DNAH7: variants seen among roughly 807,000 people sequenced by gnomAD.
The protein encoded by DNAH7 is dynein axonemal heavy chain 7, also known as axonemal beta dynein heavy chain 7.
Under a neutral mutation model 444.6 loss-of-function variants are expected in DNAH7, and 397 were observed. The observed-to-expected ratio is 0.89, with a 90% CI of 0.82 to 0.97. DNAH7 has a LOEUF of 0.97. Ranked by LOEUF, DNAH7 falls within the 50% of genes least tolerant of loss-of-function variation. DNAH7 has a pLI of 0.00. For synonymous variants in DNAH7, 1,636 were observed against 1,624.4 expected (o/e 1.01, Z -0.17); for missense variants, 4,902 against 4,800.8 (o/e 1.02, Z -0.62).
chr2:195,859,325 T>C (rs1699891272), intron 42 of DNAH7, among the ~76,000 whole-genome samples: 1 of 152,134 alleles, frequency 6.6e-6, no homozygotes, highest in African/African-American at 2.4e-5. Flanking sequence ...ATAGAGCAGA[T>C]CATAAAGCTC....
At position 195,957,292 on chromosome 2, in the gene DNAH7, G is replaced by GTCTTA. The variant is rs1690736383; in HGVS notation, c.3042_3046dup (p.Thr1016IlefsTer7). 3.8e-6 allele frequency: 6 copies of GTCTTA among 1,594,904 alleles called. No individual in the cohort carries two copies. In the East Asian group the frequency reaches 1.4e-4, roughly 36 times the overall value. On this transcript the variant is annotated frameshift_variant, in exon 19 of 65. Transcript: ENST00000312428. LOFTEE classifies it high-confidence loss of function. ...GACACTTCTCATTATATCTCTCCAT[G>GTCTTA]TCTTATCCACAGCTGTAAATCGTCT... is the stretch of plus-strand genomic sequence containing the variant.
In DNAH7 at chr2:195,988,143, A is replaced by G. The variant is rs1433478635; in HGVS notation, c.1440T>C (p.Ile480=). ...CAGTAGGTGCCACACTCTCTTTCAT[A>G]ATAACTTCCTTGATCTTTTCTTTGT... The part of the protein sequence containing the change: ...DAHKEKIKEV[I]MKESVAPTEH... Residue 480 remains isoleucine, a synonymous_variant, in exon 13 of 65, where the codon ATT becomes ATC. Coordinates refer to ENST00000312428, the MANE Select transcript of DNAH7 (RefSeq NM_018897.3). 1.9e-6 allele frequency: 3 copies of G among 1,613,508 alleles called. No homozygotes were observed. The Admixed American group carries it at 5.0e-5, about 27-fold the overall frequency.
At position 195,794,427 on chromosome 2, in the gene DNAH7, C is replaced by G; in HGVS notation, c.10627G>C (p.Ala3543Pro). 2 of 1,614,130 alleles carry G rather than the reference C, an allele frequency of 1.2e-6. No individual in the cohort carries two copies. Among genetic ancestry groups the G allele is most frequent in the Non-Finnish European group, 1.7e-6 (2 of 1,180,006 alleles). The change falls in exon 57 of 65, where the codon GCA (alanine) becomes CCA (proline). Residue 3543 changes from alanine to proline, a missense_variant. Ala to Pro is a conservative substitution (Grantham distance 27, BLOSUM62 -1). Transcript: ENST00000312428. ...LQNGVKMTNEAPKGLRANIIR... is the reference protein window; with the variant it reads ...LQNGVKMTNEPPKGLRANIIR... ...ATATTAGCCCGTAAACCTTTTGGTG[C>G]TTCATTGGTCATTTTCACTCCATTC... is the stretch of plus-strand genomic sequence containing the variant.
At chr2:195,948,881 G>A (rs1194012635) in intron 19 of DNAH7, among the ~76,000 whole-genome samples, 2 of 152,058 alleles carry the variant, frequency 1.3e-5, no homozygotes, top group East Asian at 1.9e-4. Context: ...AATTACTTTG[G>A]GCAGTATGGC....
intron 20 of DNAH7, among the ~76,000 whole-genome samples, chr2:195,935,403 T>G (rs1409382319): frequency 1.3e-5 from 2 of 152,162 alleles, no homozygotes; most frequent in East Asian, 3.9e-4. Context: ...CAGATAGAAA[T>G]CTGAGCCTAA....
intron 16 of DNAH7, 99 bp downstream of exon 16, chr2:195,972,143 A>G: frequency 1.1e-6 from 1 of 947,626 alleles, no homozygotes; most frequent in Non-Finnish European, 1.6e-6. Context: ...GAGAAAGCTA[A>G]AAAAGTATGC....
At chr2:195,934,557 T>A (rs746659859) in intron 21 of DNAH7, 34 bp downstream of exon 21, 3 of 1,587,978 alleles carry the variant, frequency 1.9e-6, no homozygotes, top group African/African-American at 1.3e-5. Context: ...TATTCTAGCA[T>A]CCTTTTCTAA....
intron 1 of DNAH7, among the ~76,000 whole-genome samples, chr2:196,061,782 A>G (rs1345002345): frequency 1.3e-5 from 2 of 152,198 alleles, no homozygotes; most frequent in Non-Finnish European, 2.9e-5. Flanking sequence ...AATCCTTATT[A>G]TATCATGTGT....
chr2:195,778,677 C>CACACACATATATAT (rs1443387230), intron 58 of DNAH7, among the ~76,000 whole-genome samples: 2 of 76,958 alleles, frequency 2.6e-5, no homozygotes, highest in Non-Finnish European at 4.5e-5. Flanking sequence ...TATACACACA[C>CACACACATATATAT]ACACATATAT....
At chr2:195,963,389 A>G (rs943342514) in intron 17 of DNAH7, among the ~76,000 whole-genome samples, 1 of 152,120 alleles carries the variant, frequency 6.6e-6, no homozygotes, top group Non-Finnish European at 1.5e-5. Flanking sequence ...CCAAATGTCT[A>G]TTTGCCATTT....
chr2:195,940,030 T>A (rs1689316715), intron 19 of DNAH7, among the ~76,000 whole-genome samples: 1 of 152,144 alleles, frequency 6.6e-6, no homozygotes, highest in African/African-American at 2.4e-5. Flanking sequence ...TACTTTAAAT[T>A]TCACATGGAA....
intron 61 of DNAH7, among the ~76,000 whole-genome samples, chr2:195,765,939 G>A (rs546111036): frequency 1.2e-4 from 18 of 152,022 alleles, no homozygotes; most frequent in East Asian, 7.7e-4. Flanking sequence ...GTTTATTGCC[G>A]CACTACTCAC....
intron 2 of DNAH7, among the ~76,000 whole-genome samples, chr2:196,051,715 A>C (rs1258926663): frequency 1.3e-5 from 2 of 152,054 alleles, no homozygotes; most frequent in Non-Finnish European, 2.9e-5. Context: ...TGCAGTGAGC[A>C]GAGATCGCAC....
At chr2:195,770,354 T>C (rs1285580532) in intron 61 of DNAH7, among the ~76,000 whole-genome samples, 1 of 152,164 alleles carries the variant, frequency 6.6e-6, no homozygotes, top group East Asian at 1.9e-4. Flanking sequence ...TAAAATCAAA[T>C]AAAACAAAAT....
chr2:195,987,528 G>A (rs1480977479), intron 13 of DNAH7, among the ~76,000 whole-genome samples: 5 of 151,972 alleles, frequency 3.3e-5, no homozygotes, highest in Non-Finnish European at 5.9e-5. Flanking sequence ...AAAAATACAT[G>A]TTCATGGTAG....
At chr2:195,810,880 T>A (rs1051955551) in intron 51 of DNAH7, among the ~76,000 whole-genome samples, 1 of 152,226 alleles carries the variant, frequency 6.6e-6, no homozygotes, top group African/African-American at 2.4e-5. Flanking sequence ...ATGCATGGCA[T>A]TGAATTTGTC....
chr2:195,738,177 G>A (rs1692765014), intron 64 of DNAH7, 50 bp from the exon 65 acceptor site: 1 of 1,520,910 alleles, frequency 6.6e-7, no homozygotes, highest in Non-Finnish European at 9.1e-7. Flanking sequence ...TTTGTTAAAT[G>A]TACATGTGTT....
intron 19 of DNAH7, among the ~76,000 whole-genome samples, chr2:195,955,481 T>C (rs1160752437): frequency 2.0e-5 from 3 of 152,182 alleles, no homozygotes; most frequent in African/African-American, 7.2e-5. Flanking sequence ...TTTGTTCTTT[T>C]GGCTTAGGAT....
chr2:195,884,052 C>T lies in DNAH7; in HGVS notation c.5763+533G>A, dbSNP rs148237120. ...GGAATGTGGTATGATCCCAATTGTA[C>T]TTAAATCTGTATATATTTAAATAAC... On this transcript the variant is annotated intron_variant, in intron 35 of 64. Transcript: ENST00000312428. 8.7e-3 allele frequency among the ~76,000 whole-genome samples: 1,320 copies of T among 152,224 alleles called. 14 individuals carry two copies. The highest frequency in any genetic ancestry group is 0.012 in the Non-Finnish European group (794 of 68,022).
Sources: allele counts gnomAD v4.1 joint callset (sites outside exome capture counted in the v4.1 genomes callset), GRCh38; gene constraint gnomAD v4.1.1; transcripts MANE v1.5; gene names NCBI Gene and HGNC (gene_info 2026-07-23, HGNC 2026-07-21).